Variants in SUMF1 observed in about 807,000 individuals in gnomAD.
SUMF1 encodes the protein formylglycine-generating enzyme.
SUMF1 carries 48 observed loss-of-function variants against 47.6 expected under a neutral mutation model. The observed-to-expected ratio is 1.01, with a 90% CI of 0.80 to 1.28. The LOEUF is 1.28. Among genes scored for constraint, SUMF1 ranks in the 50% most tolerant of loss-of-function variants. The pLI is 0.00. For synonymous variants in SUMF1, 230 were observed against 192.1 expected, an observed-to-expected ratio of 1.20 and a Z score of -1.63; for missense variants, 571 against 485.4, an observed-to-expected ratio of 1.18 and a Z score of -1.66.
At chr3:4,072,161 G>C (rs565993369) in intron 8 of SUMF1, among the ~76,000 whole-genome samples, 1 of 152,290 alleles carries the variant, frequency 6.6e-6, no homozygotes, top group Non-Finnish European at 1.5e-5. Context: ...AGGGTCTGGA[G>C]TGGACCTCCA....
intron 8 of SUMF1, among the ~76,000 whole-genome samples, chr3:4,134,175 G>T (rs1693863464): frequency 6.6e-6 from 1 of 152,070 alleles, no homozygotes. Context: ...ATTCCTTTCA[G>T]CACTACACCA....
At chr3:4,327,096 A>G (rs183293861) in intron 8 of SUMF1, among the ~76,000 whole-genome samples, 174 of 152,352 alleles carry the variant, frequency 1.1e-3, no homozygotes, top group South Asian at 2.3e-3. Flanking sequence ...TATACTTTAC[A>G]AAACTGTTAA....
intron 8 of SUMF1, among the ~76,000 whole-genome samples, chr3:4,257,930 C>G (rs1353209609): frequency 6.6e-6 from 1 of 151,812 alleles, no homozygotes; most frequent in African/African-American, 2.4e-5. Context: ...ATCAATGGAA[C>G]AGAACAGAGC....
At chr3:4,218,767 T>C (rs1476109688) in intron 8 of SUMF1, among the ~76,000 whole-genome samples, 1 of 152,194 alleles carries the variant, frequency 6.6e-6, no homozygotes, top group Admixed American at 6.5e-5. Flanking sequence ...AGACTAACTA[T>C]GACGCCTTCA....
chr3:4,070,538 C>T (rs1390381994), intron 8 of SUMF1, among the ~76,000 whole-genome samples: 4 of 152,160 alleles, frequency 2.6e-5, no homozygotes, highest in Non-Finnish European at 4.4e-5. Flanking sequence ...CTTAATTATG[C>T]TACTTTATTA....
intron 7 of SUMF1, among the ~76,000 whole-genome samples, chr3:4,409,398 A>C (rs180691232): frequency 1.1e-3 from 172 of 152,286 alleles, no homozygotes; most frequent in Non-Finnish European, 2.1e-3. Context: ...GATTGGTGAA[A>C]AGAAAAATGT....
At chr3:4,163,706 C>G (rs922786073) in intron 8 of SUMF1, among the ~76,000 whole-genome samples, 14 of 151,818 alleles carry the variant, frequency 9.2e-5, no homozygotes, top group African/African-American at 2.7e-4. Flanking sequence ...AAAACAACAT[C>G]TGGGTTTCCT....
At chr3:4,358,559 C>T (rs1031263387), downstream of SUMF1, among the ~76,000 whole-genome samples, 1 of 152,104 alleles carries the variant, frequency 6.6e-6, no homozygotes, top group Non-Finnish European at 1.5e-5. Context: ...CAAGCAGGCA[C>T]AAACCTTCTC....
chr3:4,146,660 A>G (rs1487615575), intron 8 of SUMF1, among the ~76,000 whole-genome samples: 6 of 151,892 alleles, frequency 4.0e-5, no homozygotes, highest in African/African-American at 1.2e-4. Context: ...AACATTAGGT[A>G]TATCTCCTAA....
At chr3:4,353,303 A>C (rs1207974505) in intron 8 of SUMF1, among the ~76,000 whole-genome samples, 1 of 152,196 alleles carries the variant, frequency 6.6e-6, no homozygotes, top group Non-Finnish European at 1.5e-5. Context: ...CCCAGGCTGG[A>C]GTACAGTGGC....
rs986500427 is a variant in SUMF1, at chr3:4,467,002, C to T, written c.244G>A (p.Gly82Arg). 3 of 1,598,448 alleles carry T rather than the reference C, an allele frequency of 1.9e-6. No individual in the cohort carries two copies. The highest frequency in any genetic ancestry group is 1.1e-5 in the South Asian group (1 of 88,786). ...TTTGAGTGCGCGAGTTGCCGCTCTC[C>T]GGGTACGGGGCCCGGAGCGTTAGCC... ...REANAPGPVPGERQLAHSKMV... is the reference protein window; with the variant it reads ...REANAPGPVPRERQLAHSKMV... Residue 82 changes from glycine (G) to arginine (R), a missense_variant, in exon 1 of 9, where the codon GGA (glycine) becomes AGA (arginine). Gly to Arg is a moderately radical substitution (Grantham distance 125). Coordinates refer to ENST00000272902, the MANE Select transcript of SUMF1 (RefSeq NM_182760.4).
chr3:4,056,882 C>T (rs1695200989), intron 9 of SUMF1, among the ~76,000 whole-genome samples: 2 of 151,998 alleles, frequency 1.3e-5, no homozygotes, highest in East Asian at 3.9e-4. Flanking sequence ...GCTGGGACTA[C>T]AGGTGCCTGC....
At chr3:4,327,180 T>C (rs1428040444) in intron 8 of SUMF1, among the ~76,000 whole-genome samples, 1 of 152,142 alleles carries the variant, frequency 6.6e-6, no homozygotes, top group African/African-American at 2.4e-5. Context: ...AACAAAAAAG[T>C]CATAGAAACA....
chr3:4,437,521 T>C (rs1241232507), intron 3 of SUMF1, among the ~76,000 whole-genome samples: 1 of 152,084 alleles, frequency 6.6e-6, no homozygotes, highest in Non-Finnish European at 1.5e-5. Context: ...TCCAAAAATG[T>C]CAATAGCCAC....
intron 9 of SUMF1, among the ~76,000 whole-genome samples, chr3:4,063,498 T>G (rs923547042): frequency 6.6e-6 from 1 of 152,122 alleles, no homozygotes; most frequent in African/African-American, 2.4e-5. Flanking sequence ...CCGTCAGGCA[T>G]GCTCACAGCT....
At chr3:4,173,042 A>C (rs908847547) in intron 8 of SUMF1, among the ~76,000 whole-genome samples, 1 of 152,136 alleles carries the variant, frequency 6.6e-6, no homozygotes, top group African/African-American at 2.4e-5. Context: ...AGGTGTAAGG[A>C]AGGGGTCCAG....
chr3:4,305,884 G>A (rs140756499), intron 8 of SUMF1, among the ~76,000 whole-genome samples: 2 of 152,168 alleles, frequency 1.3e-5, no homozygotes, highest in African/African-American at 4.8e-5. Context: ...GCAATTTATA[G>A]TTAATAATAC....
chr3:4,466,208 T>C (rs2079941397), intron 1 of SUMF1, among the ~76,000 whole-genome samples: 1 of 152,016 alleles, frequency 6.6e-6, no homozygotes, highest in African/African-American at 2.4e-5. Context: ...GCCTCCCGGG[T>C]TCCAGCAATT....
At chr3:4,357,150 G>A (rs1356604675), downstream of SUMF1, among the ~76,000 whole-genome samples, 2 of 152,098 alleles carry the variant, frequency 1.3e-5, no homozygotes, top group East Asian at 3.8e-4. Context: ...CTAATGGAAT[G>A]TTAATATTTG....
Sources: gnomAD v4.1 joint callset for allele counts (sites outside exome capture counted in the v4.1 genomes callset) on GRCh38, gnomAD v4.1.1 for gene constraint, MANE v1.5 for transcripts, NCBI Gene and HGNC (gene_info 2026-07-23, HGNC 2026-07-21) for gene names.